S100A10: variants seen among roughly 807,000 people sequenced by gnomAD.
S100A10 encodes the protein protein S100-A10.
A neutral mutation model predicts 7.1 loss-of-function variants in S100A10; 3 were observed. The observed-to-expected ratio is 0.42, with a 90% CI of 0.19 to 1.10. The LOEUF (loss-of-function observed/expected upper bound fraction) is 1.10, where lower values mean the gene tolerates loss of function less well. S100A10 is among the 50% of genes least tolerant of loss of function. S100A10 has a pLI of 0.29. For missense variants in S100A10, 101 were observed against 118.1 expected (o/e 0.86, Z 0.67); for synonymous variants, 41 against 39.3 (o/e 1.04, Z -0.16).
intron 1 of S100A10, among the ~76,000 whole-genome samples, chr1:151,990,899 A>G (rs946671957): frequency 2.0e-5 from 3 of 152,224 alleles, no homozygotes; most frequent in African/African-American, 7.2e-5. Flanking sequence ...AGAAATTGAT[A>G]ATGATGTATT....
chr1:151,989,403 T>C lies in S100A10; in HGVS notation c.-21-3152A>G, dbSNP rs111612530. Among the ~76,000 whole-genome samples the C allele has an allele frequency of 7.1e-3, 1,087 of 152,240 alleles. 19 individuals are homozygous for C. The highest frequency in any genetic ancestry group is 0.025 in the African/African-American group (1,048 of 41,532). On this transcript the variant is annotated intron_variant, in intron 1 of 2. Transcript: ENST00000368811. ...GCCAGCTGACTCCCTGTGTGTCCAGTAGGCCTTCTGCAATAAGGATGCAGA... is the reference window on the plus strand; with the variant it reads ...GCCAGCTGACTCCCTGTGTGTCCAGCAGGCCTTCTGCAATAAGGATGCAGA...
intron 1 of S100A10, chr1:151,992,623 C>T (rs1409815556): frequency 1.3e-5 from 2 of 152,136 alleles, no homozygotes; most frequent in Non-Finnish European, 2.9e-5. Context: ...ACCGGCCACA[C>T]CCACATGGTC....
intron 1 of S100A10, 72 bp from the exon 2 acceptor site, chr1:151,986,323 T>C (rs1655791150): frequency 1.8e-6 from 2 of 1,082,890 alleles, no homozygotes; most frequent in African/African-American, 1.6e-5. Context: ...AATTTATTTT[T>C]TTTAAATTGA....
In S100A10 at chr1:151,983,122, G is replaced by C; in HGVS notation, c.*41C>G. 7.1e-7 allele frequency: 1 copy of C among 1,412,720 alleles called. No homozygotes were observed. Among genetic ancestry groups the C allele is most frequent in the Non-Finnish European group, 9.3e-7 (1 of 1,074,054 alleles). The allele number at this position is 1,412,720 out of a possible 1,614,324, so 87.5% of individuals were successfully genotyped here. A position where few individuals can be genotyped will look rare whatever the true frequency, so the allele number is the denominator to read the frequency against. On this transcript the variant is annotated 3_prime_UTR_variant, in exon 3 of 3. Transcript: ENST00000368811. ...GGCAGATTCCTTAAGCGACCCTTTG[G>C]GACAACTCTTATCAGGGAGGAGCGA...
At chr1:151,984,950 T>C (rs1655762270) in intron 2 of S100A10, among the ~76,000 whole-genome samples, 1 of 152,216 alleles carries the variant, frequency 6.6e-6, no homozygotes, top group African/African-American at 2.4e-5. Context: ...GCAGAGGACC[T>C]GCATATTCTA....
chr1:151,986,670 T>C (rs931581907), intron 1 of S100A10, among the ~76,000 whole-genome samples: 3 of 152,230 alleles, frequency 2.0e-5, no homozygotes, highest in African/African-American at 7.2e-5. Flanking sequence ...AGATTCCACA[T>C]GAGTGAGATC....
At chr1:151,991,028 G>A (rs1655893801) in intron 1 of S100A10, among the ~76,000 whole-genome samples, 1 of 152,140 alleles carries the variant, frequency 6.6e-6, no homozygotes, top group Admixed American at 6.5e-5. Context: ...GTTTCAAAGA[G>A]GACACTTCTG....
intron 1 of S100A10, among the ~76,000 whole-genome samples, chr1:151,987,756 C>T (rs1483191292): frequency 2.6e-5 from 4 of 151,466 alleles, no homozygotes; most frequent in Non-Finnish European, 5.9e-5. Flanking sequence ...TCTCGATCTC[C>T]TGACCTCGTG....
intron 2 of S100A10, chr1:151,984,205 C>T (rs1355337808): frequency 6.6e-6 from 1 of 152,166 alleles, no homozygotes; most frequent in Non-Finnish European, 1.5e-5. Flanking sequence ...TGTTAAAGGG[C>T]TCAGGTAAAC....
At chr1:151,991,852 A>G (rs892162422) in intron 1 of S100A10, among the ~76,000 whole-genome samples, 2 of 152,168 alleles carry the variant, frequency 1.3e-5, no homozygotes, top group African/African-American at 4.8e-5. Context: ...CCCTGACCTC[A>G]CTGGAGTGGC....
At chr1:151,987,456 A>C (rs1655816146) in intron 1 of S100A10, among the ~76,000 whole-genome samples, 1 of 152,184 alleles carries the variant, frequency 6.6e-6, no homozygotes, top group Non-Finnish European at 1.5e-5. Context: ...TTCTAAGCTT[A>C]AAGTGGTAAC....
rs554831021 is a variant in S100A10, at chr1:151,983,852, C to T, written c.133-528G>A. ...AGCTTAGTGGGCCTTTGTGTATCAA[C>T]GATGAATTGAGGAGGTTGGACTATA... On this transcript the variant is annotated intron_variant, in intron 2 of 2. Coordinates refer to ENST00000368811, the MANE Select transcript of S100A10 (RefSeq NM_002966.3). 4.6e-5 allele frequency among the ~76,000 whole-genome samples: 7 copies of T among 152,232 alleles called. No homozygotes were observed. The South Asian group carries it at 6.2e-4, about 14-fold the overall frequency.
At chr1:151,991,544 C>G (rs1293657907) in intron 1 of S100A10, among the ~76,000 whole-genome samples, 2 of 152,214 alleles carry the variant, frequency 1.3e-5, no homozygotes, top group Admixed American at 1.3e-4. Context: ...ATAGAAAGTG[C>G]TGAAAATTGT....
chr1:151,985,142 G>A (rs1655765827), intron 2 of S100A10: 1 of 152,850 alleles, frequency 6.5e-6, no homozygotes, highest in Non-Finnish European at 1.5e-5. Context: ...CAGATGACAA[G>A]AGGCAGGACC....
At chr1:151,988,721 GAC>G (rs1655847297) in intron 1 of S100A10, among the ~76,000 whole-genome samples, 1 of 152,132 alleles carries the variant, frequency 6.6e-6, no homozygotes, top group Non-Finnish European at 1.5e-5. Flanking sequence ...CTTCTCTTCT[GAC>G]ACAGCTCAGA....
rs1004293220 is a variant in S100A10 at position 151,986,170 on chromosome 1, C to T, written c.61G>A (p.Gly21Arg). Residue 21 changes from glycine to arginine, a missense_variant, in exon 2 of 3, where the codon GGG becomes AGG. Gly to Arg is a moderately radical substitution (Grantham distance 125). Coordinates refer to ENST00000368811, the MANE Select transcript of S100A10 (RefSeq NM_002966.3). ...TCCTTTGTTAAGTAGCCTTTATCCC[C>T]AGCGAATTTGTGAAATGTAAACATC... ...TMMFTFHKFA[G>R]DKGYLTKEDL... 1.2e-6 allele frequency: 2 copies of T among 1,610,516 alleles called. No homozygotes were observed. The highest frequency in any genetic ancestry group is 1.7e-4 in the Middle Eastern group (1 of 6,050).
At chr1:151,988,770 T>C (rs1655848135) in intron 1 of S100A10, among the ~76,000 whole-genome samples, 1 of 152,166 alleles carries the variant, frequency 6.6e-6, no homozygotes, top group Non-Finnish European at 1.5e-5. Context: ...GGGTTTCAGA[T>C]GGCAGTGGGC....
At chr1:151,989,861 C>T (rs1162498206) in intron 1 of S100A10, among the ~76,000 whole-genome samples, 1 of 152,208 alleles carries the variant, frequency 6.6e-6, no homozygotes, top group Non-Finnish European at 1.5e-5. Context: ...CCTGGTTAGA[C>T]ACATTTTGAC....
At chr1:151,986,521 C>G (rs533879952) in intron 1 of S100A10, among the ~76,000 whole-genome samples, 3 of 152,160 alleles carry the variant, frequency 2.0e-5, no homozygotes, top group Non-Finnish European at 2.9e-5. Context: ...ACTATAGTCA[C>G]GTTGTTGTAC....
Sources: allele counts gnomAD v4.1 joint callset (sites outside exome capture counted in the v4.1 genomes callset), GRCh38; gene constraint gnomAD v4.1.1; transcripts MANE v1.5; gene names NCBI Gene and HGNC (gene_info 2026-07-23, HGNC 2026-07-21).